IQCM: variants seen among roughly 807,000 people sequenced by gnomAD.
IQCM encodes the protein IQ domain-containing protein M.
Under a neutral mutation model 57.6 loss-of-function variants are expected in IQCM, and 45 were observed. The observed-to-expected ratio is 0.78, with a 90% CI of 0.62 to 1.00. The LOEUF (loss-of-function observed/expected upper bound fraction) is 1.00. Ranked by LOEUF, IQCM falls within the 50% of genes least tolerant of loss-of-function variation. IQCM has a pLI of 0.00. For missense variants in IQCM, 468 were observed against 511.6 expected, an observed-to-expected ratio of 0.91 and a Z score of 0.82; for synonymous variants, 148 against 158.9, an observed-to-expected ratio of 0.93 and a Z score of 0.51.
chr4:149,418,802 A>G (rs1733929522), intron 13 of IQCM, among the ~76,000 whole-genome samples: 1 of 152,164 alleles, frequency 6.6e-6, no homozygotes, highest in African/African-American at 2.4e-5. Context: ...AGGTCTCAGG[A>G]TACAAGATGA....
chr4:149,807,131 G>A (rs751705334), intron 2 of IQCM, among the ~76,000 whole-genome samples: 1 of 151,548 alleles, frequency 6.6e-6, no homozygotes, highest in African/African-American at 2.4e-5. Flanking sequence ...AAATACCAAA[G>A]ACATTCTTAC....
chr4:149,413,141 C>G (rs1733505033), intron 13 of IQCM, among the ~76,000 whole-genome samples: 1 of 152,132 alleles, frequency 6.6e-6, no homozygotes. Context: ...ATAACAATTT[C>G]AAATAGAAAT....
intron 12 of IQCM, among the ~76,000 whole-genome samples, chr4:149,498,539 G>C (rs1742907584): frequency 6.6e-6 from 1 of 152,114 alleles, no homozygotes; most frequent in South Asian, 2.1e-4. Flanking sequence ...AGCAGGCTCT[G>C]AGCAATACCA....
intron 12 of IQCM, among the ~76,000 whole-genome samples, chr4:149,476,094 A>G (rs1740155893): frequency 6.6e-6 from 1 of 152,136 alleles, no homozygotes; most frequent in African/African-American, 2.4e-5. Context: ...ATTTGGAGAG[A>G]GAGATGAAAA....
intron 13 of IQCM, among the ~76,000 whole-genome samples, chr4:149,374,307 T>C (rs940522676): frequency 1.3e-5 from 2 of 152,160 alleles, no homozygotes; most frequent in East Asian, 1.9e-4. Context: ...CTAGTGTCTA[T>C]TTCCTGCCCT....
chr4:149,572,370 T>C (rs1234056306), intron 9 of IQCM, among the ~76,000 whole-genome samples: 1 of 151,908 alleles, frequency 6.6e-6, no homozygotes, highest in African/African-American at 2.4e-5. Context: ...CACTGCAACC[T>C]CTAACTCCTG....
intron 9 of IQCM, among the ~76,000 whole-genome samples, chr4:149,586,879 A>G (rs919376442): frequency 2.0e-5 from 3 of 151,740 alleles, no homozygotes; most frequent in African/African-American, 7.2e-5. Context: ...ATCCATAGAA[A>G]GAGAAAAATC....
chr4:149,705,605 T>C (rs1456960897), intron 5 of IQCM, among the ~76,000 whole-genome samples: 2 of 151,910 alleles, frequency 1.3e-5, no homozygotes, highest in Non-Finnish European at 2.9e-5. Context: ...GCAAAAATTA[T>C]AATTTAACAT....
chr4:149,431,207 AAAG>A (rs1434602750), intron 13 of IQCM, among the ~76,000 whole-genome samples: 3 of 152,140 alleles, frequency 2.0e-5, no homozygotes, highest in East Asian at 1.9e-4. Context: ...TCTCTTTCAA[AAAG>A]AAGAAGAAAA....
chr4:149,633,843 C>T (rs1022943936), intron 7 of IQCM, among the ~76,000 whole-genome samples: 13 of 152,122 alleles, frequency 8.5e-5, no homozygotes, highest in Admixed American at 8.5e-4. Flanking sequence ...GTATGGGCAA[C>T]TTTCAAGGCC....
intron 12 of IQCM, among the ~76,000 whole-genome samples, chr4:149,483,743 G>A (rs186709392): frequency 1.3e-3 from 192 of 152,034 alleles, no homozygotes; most frequent in Middle Eastern, 3.4e-3. Flanking sequence ...TGTGTGTTCT[G>A]TAGCCATTGG....
At chr4:149,366,726 T>A (rs1018300410) in intron 13 of IQCM, among the ~76,000 whole-genome samples, 1 of 151,744 alleles carries the variant, frequency 6.6e-6, no homozygotes, top group Admixed American at 6.6e-5. Context: ...ATTTAGGGGA[T>A]GTGTTGATAT....
rs1367454010 is a variant in IQCM at position 149,433,403 on chromosome 4, T to A, written c.1383A>T (p.Arg461Ser). Reference sequence around the variant, plus strand: ...TAAGGTTCAATATCTTACCTATATATCTATAACCTTCTTCCCCATTTACTA... The same window carrying A: ...TAAGGTTCAATATCTTACCTATATAACTATAACCTTCTTCCCCATTTACTA... Reference protein sequence around the residue: ...RPIVNGEEGYRYIVNGHPALK... With the variant: ...RPIVNGEEGYSYIVNGHPALK... The change falls in exon 13 of 14, where the codon AGA becomes AGT. Residue 461 changes from arginine (R) to serine (S), a missense_variant. Physicochemically the swap from Arg to Ser is moderately radical, Grantham distance 110. Transcript: ENST00000636793. 2 of 1,218,220 alleles carry A rather than the reference T, an allele frequency of 1.6e-6. No homozygotes were observed. Among genetic ancestry groups the A allele is most frequent in the East Asian group, 6.3e-5 (2 of 31,520 alleles). 75.5% of individuals were successfully genotyped at this position (1,218,220 alleles called of 1,614,324 possible). A position where few individuals can be genotyped will look rare whatever the true frequency, so the allele number is the denominator to read the frequency against.
intron 12 of IQCM, among the ~76,000 whole-genome samples, chr4:149,544,111 A>G (rs1263363207): frequency 6.6e-6 from 1 of 152,156 alleles, no homozygotes; most frequent in African/African-American, 2.4e-5. Flanking sequence ...TTAGATTAAA[A>G]AAAAGATCCT....
At chr4:149,392,221 A>G (rs1336373523) in intron 13 of IQCM, among the ~76,000 whole-genome samples, 1 of 150,988 alleles carries the variant, frequency 6.6e-6, no homozygotes, top group East Asian at 2.0e-4. Flanking sequence ...AGCTTGTTTT[A>G]CAAATTTGAA....
intron 13 of IQCM, among the ~76,000 whole-genome samples, chr4:149,392,179 T>C (rs1037912361): frequency 1.3e-5 from 2 of 151,930 alleles, no homozygotes; most frequent in African/African-American, 4.8e-5. Flanking sequence ...ATGTATCTTA[T>C]AGATATTCTT....
rs1729175244 is a variant in IQCM at position 149,358,477 on chromosome 4, T to G, written c.1391-6411A>C. On this transcript the variant is annotated intron_variant, in intron 13 of 13. Coordinates refer to ENST00000636793, the MANE Select transcript of IQCM (RefSeq NM_001363507.2). Reference sequence around the variant, plus strand: ...TTCTTGTTGGTTTCAAAGAACATCTTTATTTCTTCCTTCATTTCGTTATGT... The same window carrying G: ...TTCTTGTTGGTTTCAAAGAACATCTGTATTTCTTCCTTCATTTCGTTATGT... 2.0e-5 allele frequency among the ~76,000 whole-genome samples: 3 copies of G among 152,192 alleles called. No homozygotes were observed. The South Asian group carries it at 6.2e-4, about 32-fold the overall frequency.
At chr4:149,638,533 GTA>G (rs1416206114) in intron 7 of IQCM, among the ~76,000 whole-genome samples, 9 of 151,852 alleles carry the variant, frequency 5.9e-5, no homozygotes, top group African/African-American at 2.2e-4. Context: ...ATACACTGTG[GTA>G]TAGTCAAACA....
chr4:149,496,663 C>T (rs560163072), intron 12 of IQCM, among the ~76,000 whole-genome samples: 47 of 152,208 alleles, frequency 3.1e-4, no homozygotes, highest in Middle Eastern at 6.8e-3. Flanking sequence ...CTGTTGATGC[C>T]TTGATTTTAG....
Sources: allele counts gnomAD v4.1 joint callset (sites outside exome capture counted in the v4.1 genomes callset), GRCh38; gene constraint gnomAD v4.1.1; transcripts MANE v1.5; gene names NCBI Gene and HGNC (gene_info 2026-07-23, HGNC 2026-07-21).